The following HOMER3 variants were observed in gnomAD, a reference collection of about 807,000 sequenced individuals.
HOMER3 encodes the protein homer scaffold protein 3.
Under a neutral mutation model 45.5 loss-of-function variants are expected in HOMER3, and 34 were observed. That is an observed-to-expected ratio of 0.75 (90% CI 0.57 to 1.00). The LOEUF is 1.00. HOMER3 is among the 50% of genes least tolerant of loss of function. The probability of loss-of-function intolerance (pLI) is 0.00; values close to 1 mark genes in which losing one functional copy is unlikely to be tolerated. For synonymous variants in HOMER3, 223 were observed against 208.8 expected (o/e 1.07, Z -0.58); for missense variants, 480 against 497.5 (o/e 0.96, Z 0.33).
At chr19:18,938,563 T>C in intron 3 of HOMER3, 79 bp from the exon 4 acceptor site, 1 of 1,548,388 alleles carries the variant, frequency 6.5e-7, no homozygotes, top group Non-Finnish European at 8.8e-7. Flanking sequence ...TACCTTGTAT[T>C]AGGGTCTTGA....
intron 9 of HOMER3, chr19:18,931,092 A>C: frequency 4.0e-6 from 2 of 503,280 alleles, no homozygotes; most frequent in Non-Finnish European, 3.5e-6. Context: ...AACAGGAGGA[A>C]TTGACGGGGT....
rs776333499 is a variant in HOMER3, at chr19:18,931,646, C to A, written c.691-21G>T. ...GCCACCTGTAGGGCAGGAATAGCAGCCCCTGACGCCCCCGCCTGCACTCTC... is the reference window on the plus strand; with the variant it reads ...GCCACCTGTAGGGCAGGAATAGCAGACCCTGACGCCCCCGCCTGCACTCTC... On this transcript the variant is annotated intron_variant, in intron 7 of 9. Coordinates refer to ENST00000392351, the MANE Select transcript of HOMER3 (RefSeq NM_004838.4). The A allele has an allele frequency of 7.6e-6, 12 of 1,571,406 alleles. No homozygotes were observed. The East Asian group carries it at 2.2e-4, about 29-fold the overall frequency.
chr19:18,933,404 A>C (rs961382371), intron 5 of HOMER3, among the ~76,000 whole-genome samples: 1 of 152,032 alleles, frequency 6.6e-6, no homozygotes, highest in Non-Finnish European at 1.5e-5. Context: ...CTTCAACATC[A>C]CGTTTAGGAT....
chr19:18,932,752 G>A (rs1002520459), intron 6 of HOMER3, among the ~76,000 whole-genome samples, 172 bp downstream of exon 6: 4 of 151,974 alleles, frequency 2.6e-5, no homozygotes, highest in Admixed American at 6.6e-5. Context: ...ACGCAGGGTA[G>A]GGGCGGGGTC....
intron 9 of HOMER3, 80 bp from the exon 10 acceptor site, chr19:18,929,714 T>A: frequency 1.6e-6 from 2 of 1,213,616 alleles, no homozygotes; most frequent in Non-Finnish European, 2.2e-6. Flanking sequence ...CTGACCACCT[T>A]CATGTCCCTC....
rs374874775 is a variant in HOMER3 at position 18,931,277 on chromosome 19, A to C, written c.894+48T>G. On this transcript the variant is annotated intron_variant, in intron 9 of 9. Transcript: ENST00000392351. ...TAGATATTGTCCTGAGTGTCTGTTG[A>C]GGTGACTGTCACCCACCGTCACCCC... 2.1e-6 allele frequency: 3 copies of C among 1,451,844 alleles called. No homozygotes were observed. The African/African-American group carries it at 4.2e-5, about 20-fold the overall frequency. 89.9% of individuals were successfully genotyped at this position (1,451,844 alleles called of 1,614,324 possible). A position where few individuals can be genotyped will look rare whatever the true frequency, so the allele number is the denominator to read the frequency against.
At chr19:18,932,826 A>C in intron 6 of HOMER3, 98 bp downstream of exon 6, 1 of 973,838 alleles carries the variant, frequency 1.0e-6, no homozygotes, top group South Asian at 2.3e-5. Flanking sequence ...CCACAGTTAG[A>C]TCCCGCCGTC....
intron 5 of HOMER3, among the ~76,000 whole-genome samples, chr19:18,933,341 A>G (rs1029202656): frequency 6.6e-6 from 1 of 152,196 alleles, no homozygotes; most frequent in Non-Finnish European, 1.5e-5. Context: ...CCTGTAAGGT[A>G]GGGGAGGGGT....
intron 4 of HOMER3, among the ~76,000 whole-genome samples, chr19:18,937,306 G>GT (rs2057103152): frequency 2.7e-5 from 1 of 36,462 alleles, no homozygotes; most frequent in Non-Finnish European, 6.9e-5. Context: ...GCAAGATCTT[G>GT]TTAAAAAAAA....
intron 4 of HOMER3, among the ~76,000 whole-genome samples, 194 bp from the exon 5 acceptor site, chr19:18,934,604 A>G (rs924197299): frequency 1.3e-5 from 2 of 152,192 alleles, no homozygotes; most frequent in African/African-American, 4.8e-5. Flanking sequence ...CAGAGGTGGC[A>G]TTTAAATACA....
In HOMER3 at chr19:18,929,480, C is replaced by A; in HGVS notation, c.1049G>T (p.Arg350Leu). 1 of 1,599,654 alleles carries A rather than the reference C, an allele frequency of 6.3e-7. No homozygotes were observed. Among genetic ancestry groups the A allele is most frequent in the Non-Finnish European group, 8.5e-7 (1 of 1,175,686 alleles). ...DVSLFELSEL[R>L]EGLARLAEAA... ...CTCAGCCAGGCGGGCCAGGCCCTCA[C>A]GCAGCTCACTCAGCTCAAACAGGCT... The change falls in exon 10 of 10, where the codon CGT becomes CTT. Residue 350 changes from arginine to leucine, a missense_variant. Physicochemically the swap from Arg to Leu is moderately radical, Grantham distance 102. Coordinates refer to ENST00000392351, the MANE Select transcript of HOMER3 (RefSeq NM_004838.4).
chr19:18,932,122 C>T lies in HOMER3; in HGVS notation c.544G>A (p.Glu182Lys). The T allele has an allele frequency of 6.4e-7, 1 of 1,562,428 alleles. No individual in the cohort carries two copies. ...AAAAACTCGGCCTCCCACTGTACCTCGCCCACGGAGCTGCAGAGACACGAG... is the reference window on the plus strand; with the variant it reads ...AAAAACTCGGCCTCCCACTGTACCTTGCCCACGGAGCTGCAGAGACACGAG... ...KKMLSEGSVG[E>K]VQWEAEFFAL... Residue 182 changes from glutamate (E) to lysine (K), a missense_variant, in exon 7 of 10, where the codon GAG (glutamate) becomes AAG (lysine). Coordinates refer to ENST00000392351, the MANE Select transcript of HOMER3 (RefSeq NM_004838.4).
chr19:18,934,368 C>G lies in HOMER3; in HGVS notation c.346G>C (p.Ala116Pro). ...FQEVKEAARL[A>P]REKSQDGGEL... ...CCGCCATCCTGAGATTTCTCCCTGG[C>G]CAGCCTGGCTGCTTCCTTCACTTCC... Residue 116 changes from alanine to proline, a missense_variant, in exon 5 of 10, where the codon GCC becomes CCC. Physicochemically the swap from Ala to Pro is conservative, Grantham distance 27. Coordinates refer to ENST00000392351, the MANE Select transcript of HOMER3 (RefSeq NM_004838.4). 6.3e-7 allele frequency: 1 copy of G among 1,593,804 alleles called. No individual in the cohort carries two copies. The highest frequency in any genetic ancestry group is 8.5e-7 in the Non-Finnish European group (1 of 1,170,560).
intron 4 of HOMER3, 67 bp downstream of exon 4, chr19:18,938,286 T>G: frequency 6.6e-7 from 1 of 1,526,610 alleles, no homozygotes; most frequent in Non-Finnish European, 8.9e-7. Context: ...GATCCCAGAG[T>G]GAGCCCAGGA....
chr19:18,931,629 T>C lies in HOMER3; in HGVS notation c.691-4A>G, dbSNP rs375130225. The stretch of plus-strand genomic sequence containing the variant: ...CCTGAGCCTCCAGCTCAGCCACCTG[T>C]AGGGCAGGAATAGCAGCCCCTGACG... On this transcript the variant is annotated splice_polypyrimidine_tract_variant and splice_region_variant and intron_variant, in intron 7 of 9. Transcript: ENST00000392351. 1 of 1,599,210 alleles carries C rather than the reference T, an allele frequency of 6.3e-7. No individual in the cohort carries two copies. The highest frequency in any genetic ancestry group is 1.3e-5 in the African/African-American group (1 of 74,318).
chr19:18,939,554 C>T (rs1038080308), intron 1 of HOMER3: 1 of 152,840 alleles, frequency 6.5e-6, no homozygotes, highest in African/African-American at 2.4e-5. Flanking sequence ...CCCCACAACA[C>T]CCTGTACAGG....
At chr19:18,934,240 C>T in intron 5 of HOMER3, 63 bp downstream of exon 5, 1 of 945,402 alleles carries the variant, frequency 1.1e-6, no homozygotes. Context: ...CCCCCAATAT[C>T]AGTTGAGCGC....
At chr19:18,930,114 G>C (rs1242516359) in intron 9 of HOMER3, among the ~76,000 whole-genome samples, 2 of 151,928 alleles carry the variant, frequency 1.3e-5, no homozygotes, top group African/African-American at 2.4e-5. Context: ...GCTGGGCATG[G>C]TGGTGCACAC....
At position 18,934,054 on chromosome 19, in the gene HOMER3, G is replaced by A. The variant is rs540924140; in HGVS notation, c.411+249C>T. Reference sequence around the variant, plus strand: ...GTCTTCCATCCTGCCATCTGAGCTGGTTTTGCTACTGGGACCTACTGGGTG... The same window carrying A: ...GTCTTCCATCCTGCCATCTGAGCTGATTTTGCTACTGGGACCTACTGGGTG... On this transcript the variant is annotated intron_variant, in intron 5 of 9. Transcript: ENST00000392351. Among the ~76,000 whole-genome samples, 5 of 152,272 alleles carry A rather than the reference G, an allele frequency of 3.3e-5. No homozygotes were observed. The East Asian group carries it at 9.6e-4, about 29-fold the overall frequency.
Sources: gnomAD v4.1 joint callset for allele counts (sites outside exome capture counted in the v4.1 genomes callset) on GRCh38, gnomAD v4.1.1 for gene constraint, MANE v1.5 for transcripts, NCBI Gene and HGNC (gene_info 2026-07-23, HGNC 2026-07-21) for gene names.